RYR2: variants seen among roughly 807,000 people sequenced by gnomAD.
RYR2 encodes cardiac muscle ryanodine receptor-calcium release channel.
In RYR2, 227 loss-of-function variants were observed where a neutral mutation model predicts 601.1. The observed-to-expected ratio is 0.38, with a 90% CI of 0.34 to 0.42. The LOEUF (loss-of-function observed/expected upper bound fraction) is 0.42, where lower values mean the gene tolerates loss of function less well. Ranked by LOEUF, RYR2 falls within the 10% of genes least tolerant of loss-of-function variation. The probability of loss-of-function intolerance (pLI) is 1.00; values close to 1 mark genes in which losing one functional copy is unlikely to be tolerated. For synonymous variants in RYR2, 2,223 were observed against 2,175.1 expected (o/e 1.02, Z -0.61); for missense variants, 4,646 against 6,156.5 (o/e 0.75, Z 8.21).
intron 2 of RYR2, among the ~76,000 whole-genome samples, chr1:237,307,978 G>C (rs934944538): frequency 4.6e-5 from 7 of 151,868 alleles, no homozygotes; most frequent in African/African-American, 1.4e-4. Flanking sequence ...CTTGACTGAG[G>C]GCTAGGAAAA....
intron 10 of RYR2, among the ~76,000 whole-genome samples, chr1:237,391,115 C>T (rs1702341679): frequency 6.6e-6 from 1 of 152,020 alleles, no homozygotes; most frequent in Non-Finnish European, 1.5e-5. Context: ...TATAGCACTT[C>T]ATTATTTCTA....
chr1:237,536,866 A>G (rs1324881813), intron 25 of RYR2, among the ~76,000 whole-genome samples: 1 of 151,264 alleles, frequency 6.6e-6, no homozygotes, highest in Non-Finnish European at 1.5e-5. Flanking sequence ...AGCCTGGGCG[A>G]CAGAGCGAGA....
chr1:237,053,650 C>T (rs1305459497), intron 1 of RYR2, among the ~76,000 whole-genome samples: 1 of 152,232 alleles, frequency 6.6e-6, no homozygotes, highest in Non-Finnish European at 1.5e-5. Context: ...TGCTACGTGC[C>T]ATGCTTCTTG....
At chr1:237,530,313 A>G (rs574187952) in intron 24 of RYR2, 114 bp from the exon 25 acceptor site, 42 of 761,706 alleles carry the variant, frequency 5.5e-5, no homozygotes, top group Middle Eastern at 4.9e-4. Context: ...TCCGTCTCAA[A>G]AAAAAAAAAA....
At chr1:237,398,602 G>A (rs769623651) in intron 10 of RYR2, among the ~76,000 whole-genome samples, 18 of 152,294 alleles carry the variant, frequency 1.2e-4, no homozygotes, top group Non-Finnish European at 2.2e-4. Flanking sequence ...AATATTGACA[G>A]CCACGTGCTG....
At chr1:237,242,193 G>GTTTTTTTTTT (rs1389322285) in intron 1 of RYR2, among the ~76,000 whole-genome samples, 7 of 50,066 alleles carry the variant, frequency 1.4e-4, no homozygotes, top group African/African-American at 2.4e-4. Flanking sequence ...TTTGATCACT[G>GTTTTTTTTTT]TTTTTTTTGT....
At chr1:237,343,880 G>C (rs1698057539) in intron 3 of RYR2, among the ~76,000 whole-genome samples, 1 of 150,968 alleles carries the variant, frequency 6.6e-6, no homozygotes, top group African/African-American at 2.4e-5. Flanking sequence ...GAGTGCTATG[G>C]CATGGTCTTG....
chr1:237,724,215 ATATG>A (rs1553301029), intron 74 of RYR2, among the ~76,000 whole-genome samples: 4 of 123,128 alleles, frequency 3.2e-5, no homozygotes, highest in East Asian at 4.8e-4. Context: ...ATATATATAT[ATATG>A]TATGTGTGAT....
intron 27 of RYR2, among the ~76,000 whole-genome samples, chr1:237,565,082 A>C (rs1671829255): frequency 6.6e-6 from 1 of 151,048 alleles, no homozygotes; most frequent in African/African-American, 2.4e-5. Context: ...ACAAATAGGA[A>C]CTTCCTTCTT....
intron 1 of RYR2, among the ~76,000 whole-genome samples, chr1:237,214,532 G>C (rs1057058444): frequency 2.0e-5 from 3 of 152,172 alleles, no homozygotes; most frequent in African/African-American, 7.2e-5. Context: ...AATGAATCCA[G>C]TGAGAACTCA....
intron 89 of RYR2, among the ~76,000 whole-genome samples, chr1:237,783,387 C>T (rs1695284378): frequency 6.6e-6 from 1 of 152,060 alleles, no homozygotes; most frequent in South Asian, 2.1e-4. Context: ...CTCTTTGGCT[C>T]ATTTTCTTTA....
At chr1:237,829,160 T>G (rs1663495131) in intron 102 of RYR2, among the ~76,000 whole-genome samples, 1 of 152,106 alleles carries the variant, frequency 6.6e-6, no homozygotes, top group Admixed American at 6.5e-5. Context: ...AATTTACAGT[T>G]TAATATGTGG....
At chr1:237,353,081 T>A (rs1275066552) in intron 3 of RYR2, among the ~76,000 whole-genome samples, 2 of 152,212 alleles carry the variant, frequency 1.3e-5, no homozygotes, top group African/African-American at 4.8e-5. Context: ...AAAATGCAGA[T>A]AATAAGATTA....
At chr1:237,464,409 AT>A (rs35711499) in intron 16 of RYR2, among the ~76,000 whole-genome samples, 79,391 of 150,038 alleles carry the variant, frequency 0.53, 22,080 homozygotes, top group East Asian at 0.74. Context: ...AGCATTTGTG[AT>A]TTTTTTTTTT....
chr1:237,195,323 G>A (rs1432602513), intron 1 of RYR2, among the ~76,000 whole-genome samples: 1 of 152,092 alleles, frequency 6.6e-6, no homozygotes, highest in East Asian at 1.9e-4. Context: ...ATGTGATCTC[G>A]GTTCACCACA....
Position 237,330,924 on chromosome 1 carries a change from C to G in RYR2, c.215C>G (p.Ser72Cys). 6.2e-7 allele frequency: 1 copy of G among 1,613,978 alleles called. No homozygotes were observed. Among genetic ancestry groups the G allele is most frequent in the Non-Finnish European group, 8.5e-7 (1 of 1,179,880 alleles). Residue 72 changes from serine (S) to cysteine (C), a missense_variant, in exon 3 of 105, where the codon TCC (serine) becomes TGC (cysteine). Physicochemically the swap from Ser to Cys is moderately radical, Grantham distance 112. Transcript: ENST00000366574. ...LSICTFVLEQ[S>C]LSVRALQEML... ...ATCTGCACCTTTGTGCTGGAGCAGT[C>G]CCTCTCTGTCCGGGCGCTGCAGGAG...
intron 41 of RYR2, among the ~76,000 whole-genome samples, chr1:237,631,162 C>G (rs1680205584): frequency 6.6e-6 from 1 of 151,996 alleles, no homozygotes; most frequent in African/African-American, 2.4e-5. Flanking sequence ...ATGATGTGTC[C>G]AAAGTATATT....
At chr1:237,234,579 A>C (rs1685347142) in intron 1 of RYR2, among the ~76,000 whole-genome samples, 1 of 152,200 alleles carries the variant, frequency 6.6e-6, no homozygotes, top group Non-Finnish European at 1.5e-5. Context: ...TTGTTAACTG[A>C]GGGAATGAGT....
chr1:237,229,676 A>G (rs901472162), intron 1 of RYR2, among the ~76,000 whole-genome samples: 1 of 152,230 alleles, frequency 6.6e-6, no homozygotes, highest in African/African-American at 2.4e-5. Context: ...GGGGTGGGGA[A>G]GGTGGCATTG....
Sources: allele counts gnomAD v4.1 joint callset (sites outside exome capture counted in the v4.1 genomes callset), GRCh38; gene constraint gnomAD v4.1.1; transcripts MANE v1.5; gene names NCBI Gene and HGNC (gene_info 2026-07-23, HGNC 2026-07-21).